Variants in TMTC2 observed in about 807,000 individuals in gnomAD.
The protein encoded by TMTC2 is protein O-mannosyl-transferase TMTC2.
In TMTC2, 43 loss-of-function variants were observed where a neutral mutation model predicts 82.4. The observed-to-expected ratio is 0.52, with a 90% CI of 0.41 to 0.67. The LOEUF (loss-of-function observed/expected upper bound fraction) is 0.67, where lower values mean the gene tolerates loss of function less well. Among genes scored for constraint, TMTC2 ranks in the 30% least tolerant of loss-of-function variants. TMTC2 has a pLI of 0.00. For synonymous variants in TMTC2, 408 were observed against 381.9 expected, an observed-to-expected ratio of 1.07 and a Z score of -0.80; for missense variants, 919 against 1,012.4, an observed-to-expected ratio of 0.91 and a Z score of 1.25.
chr12:83,088,769 T>C (rs1883745977), intron 11 of TMTC2, among the ~76,000 whole-genome samples: 1 of 152,120 alleles, frequency 6.6e-6, no homozygotes, highest in African/African-American at 2.4e-5. Context: ...ATAAAAGCAT[T>C]TGAAATGGCA....
intron 1 of TMTC2, among the ~76,000 whole-genome samples, chr12:82,850,574 G>T (rs183169358): frequency 1.7e-3 from 264 of 152,246 alleles, no homozygotes; most frequent in Non-Finnish European, 3.0e-3. Context: ...CCACATTTGG[G>T]AGGGTTAGAA....
At chr12:83,048,473 T>C (rs1289468685) in intron 9 of TMTC2, among the ~76,000 whole-genome samples, 1 of 152,228 alleles carries the variant, frequency 6.6e-6, no homozygotes, top group Non-Finnish European at 1.5e-5. Flanking sequence ...AGCCACAGAA[T>C]GTTAGGCGAC....
At chr12:82,953,288 G>T (rs941750982) in intron 4 of TMTC2, among the ~76,000 whole-genome samples, 2 of 152,186 alleles carry the variant, frequency 1.3e-5, no homozygotes, top group Non-Finnish European at 2.9e-5. Context: ...CAACACAGTG[G>T]CTAGTGCATA....
intron 2 of TMTC2, among the ~76,000 whole-genome samples, chr12:82,866,542 A>C (rs1436121931): frequency 6.6e-6 from 1 of 152,172 alleles, no homozygotes; most frequent in Non-Finnish European, 1.5e-5. Context: ...GAAATCTTCT[A>C]TGCTATTCTC....
In TMTC2 at chr12:83,001,265, C is replaced by T. The variant is rs544247995; in HGVS notation, c.2070+15219C>T. On this transcript the variant is annotated intron_variant, in intron 8 of 11. Transcript: ENST00000321196. ...AGCTCGCAAATTTTCCAAACTTTTA[C>T]GCTCTGCTTCCCTTATAAAACTGAA... 1.6e-4 allele frequency among the ~76,000 whole-genome samples: 24 copies of T among 152,244 alleles called. No homozygotes were observed. In the South Asian group the frequency reaches 3.1e-3, roughly 20 times the overall value.
Position 82,857,262 on chromosome 12 carries a change from T to C in TMTC2, c.336T>C (p.Asp112=). 3 of 1,614,206 alleles carry C rather than the reference T, an allele frequency of 1.9e-6. No homozygotes were observed. The highest frequency in any genetic ancestry group is 2.5e-6 in the Non-Finnish European group (3 of 1,180,046). The stretch of plus-strand genomic sequence containing the variant: ...GCTTCTCCAAGATCCTCCTTGGTGA[T>C]GGATACTGGACATTCATGGCTGGCT... The part of the protein sequence containing the change: ...FTSFSKILLG[D]GYWTFMAGLM... The change falls in exon 2 of 12, where the codon GAT becomes GAC. Residue 112 remains aspartate (D), a synonymous_variant. Coordinates refer to ENST00000321196, the MANE Select transcript of TMTC2 (RefSeq NM_152588.3).
chr12:82,846,533 T>G (rs1221844018), intron 1 of TMTC2, among the ~76,000 whole-genome samples: 1 of 152,080 alleles, frequency 6.6e-6, no homozygotes, highest in Non-Finnish European at 1.5e-5. Context: ...CTTTTCTTTT[T>G]TCTTAGGGGC....
At chr12:82,898,406 A>G (rs932669290) in intron 3 of TMTC2, among the ~76,000 whole-genome samples, 1 of 152,204 alleles carries the variant, frequency 6.6e-6, no homozygotes, top group Non-Finnish European at 1.5e-5. Flanking sequence ...TTCTTGGCAT[A>G]TTATTTGCAT....
intron 1 of TMTC2, among the ~76,000 whole-genome samples, chr12:82,745,764 G>A (rs1055618294): frequency 6.6e-6 from 1 of 152,172 alleles, no homozygotes; most frequent in Non-Finnish European, 1.5e-5. Flanking sequence ...TACAGAGCAG[G>A]CAAATAGCTG....
At chr12:82,811,806 T>C (rs1235399840) in intron 1 of TMTC2, among the ~76,000 whole-genome samples, 5 of 140,934 alleles carry the variant, frequency 3.5e-5, no homozygotes, top group Non-Finnish European at 3.1e-5. Context: ...ATGCTCTCCT[T>C]CTTTTTTTTT....
intron 1 of TMTC2, among the ~76,000 whole-genome samples, chr12:82,852,386 C>T (rs1402245944): frequency 1.3e-5 from 2 of 152,212 alleles, no homozygotes; most frequent in Admixed American, 6.5e-5. Flanking sequence ...TGATTACAGG[C>T]GTGAGCCACC....
intron 3 of TMTC2, among the ~76,000 whole-genome samples, chr12:82,921,799 TA>T: frequency 6.6e-6 from 1 of 152,260 alleles, no homozygotes; most frequent in East Asian, 1.9e-4. Flanking sequence ...CATACTCTGT[TA>T]AAATGTGGAC....
At chr12:82,868,123 C>G (rs1322248412) in intron 2 of TMTC2, among the ~76,000 whole-genome samples, 1 of 152,204 alleles carries the variant, frequency 6.6e-6, no homozygotes, top group African/African-American at 2.4e-5. Flanking sequence ...AATGTGTACT[C>G]TTTTGCCACG....
Position 82,837,666 on chromosome 12 carries a change from C to A in TMTC2, c.84-19344C>A, listed in dbSNP as rs112547395. Among the ~76,000 whole-genome samples, 14 of 152,192 alleles carry A rather than the reference C, an allele frequency of 9.2e-5. No homozygotes were observed. In the South Asian group the frequency reaches 1.0e-3, roughly 11 times the overall value. ...TGCAGACTGCTCCATGGTGAAATCTCTTCCATTCCGACAGCTTTCCAGTAT... is the reference window on the plus strand; with the variant it reads ...TGCAGACTGCTCCATGGTGAAATCTATTCCATTCCGACAGCTTTCCAGTAT... On this transcript the variant is annotated intron_variant, in intron 1 of 11. Transcript: ENST00000321196.
At chr12:83,117,898 T>C (rs977907578) in intron 11 of TMTC2, among the ~76,000 whole-genome samples, 2 of 78,402 alleles carry the variant, frequency 2.6e-5, no homozygotes, top group African/African-American at 1.3e-4. Flanking sequence ...CCTAAGTATT[T>C]TATTTATTTA....
At chr12:82,889,018 C>T (rs10862519) in intron 2 of TMTC2, among the ~76,000 whole-genome samples, 66,900 of 151,768 alleles carry the variant, frequency 0.44, 14,875 homozygotes, top group Middle Eastern at 0.5. Context: ...GTGGCTCACA[C>T]GTGTAATCCC....
intron 1 of TMTC2, among the ~76,000 whole-genome samples, chr12:82,816,872 G>C (rs2137057019): frequency 6.6e-6 from 1 of 152,028 alleles, no homozygotes; most frequent in East Asian, 1.9e-4. Flanking sequence ...AGTCTGCACT[G>C]TAGAAATAGT....
intron 1 of TMTC2, chr12:82,690,516 G>A: frequency 1.6e-6 from 1 of 626,966 alleles, no homozygotes; most frequent in South Asian, 7.1e-5. Context: ...ATGTAGCTTG[G>A]TTGAAATTAA....
At chr12:82,795,415 T>C (rs370487597) in intron 1 of TMTC2, among the ~76,000 whole-genome samples, 13 of 152,012 alleles carry the variant, frequency 8.6e-5, no homozygotes, top group African/African-American at 3.1e-4. Context: ...TATGTTGATA[T>C]CATGGTCCTG....
Sources: allele counts gnomAD v4.1 joint callset (sites outside exome capture counted in the v4.1 genomes callset), GRCh38; gene constraint gnomAD v4.1.1; transcripts MANE v1.5; gene names NCBI Gene and HGNC (gene_info 2026-07-23, HGNC 2026-07-21).